Variants in ABCG1 observed in about 807,000 individuals in gnomAD.
The protein encoded by ABCG1 is ATP binding cassette subfamily G member 1, also known as ATP-binding cassette sub-family G member 1.
In ABCG1, 29 loss-of-function variants were observed where a neutral mutation model predicts 69.2. The observed-to-expected ratio is 0.42, with a 90% CI of 0.31 to 0.57. The LOEUF (loss-of-function observed/expected upper bound fraction) is 0.57, where lower values mean the gene tolerates loss of function less well. Among genes scored for constraint, ABCG1 ranks in the 20% least tolerant of loss-of-function variants. The pLI is 0.15. For missense variants in ABCG1, 718 were observed against 898.1 expected (o/e 0.80, Z 2.56); for synonymous variants, 370 against 374.8 (o/e 0.99, Z 0.15).
chr21:42,259,458 C>T (rs1163367547), intron 2 of ABCG1: 1 of 1,549,118 alleles, frequency 6.5e-7, no homozygotes, highest in Non-Finnish European at 8.7e-7. Context: ...GTCTGGCCTA[C>T]AGGGCTCAAG....
chr21:42,264,108 G>A (rs1222521651), intron 2 of ABCG1, among the ~76,000 whole-genome samples: 1 of 152,224 alleles, frequency 6.6e-6, no homozygotes, highest in Non-Finnish European at 1.5e-5. Context: ...CATGGCGGCT[G>A]TCGGATGCCC....
intron 13 of ABCG1, among the ~76,000 whole-genome samples, chr21:42,293,294 C>CCA (rs1410793168): frequency 7.5e-6 from 1 of 132,698 alleles, no homozygotes; most frequent in Admixed American, 7.4e-5. Flanking sequence ...ACAGTACACA[C>CCA]CACACACACT....
intron 2 of ABCG1, among the ~76,000 whole-genome samples, chr21:42,251,108 G>A (rs536990318): frequency 1.3e-5 from 2 of 152,346 alleles, no homozygotes; most frequent in African/African-American, 2.4e-5. Context: ...CCCACGGTCG[G>A]TCGGTGACCT....
chr21:42,296,377 C>G lies in ABCG1; in HGVS notation c.1986C>G (p.Ile662Met). 1 of 1,613,732 alleles carries G rather than the reference C, an allele frequency of 6.2e-7. No homozygotes were observed. Among genetic ancestry groups the G allele is most frequent in the African/African-American group, 1.3e-5 (1 of 75,012 alleles). The change falls in exon 15 of 15, where the codon ATC becomes ATG. Residue 662 changes from isoleucine (I) to methionine (M), a missense_variant. Transcript: ENST00000398449. The surrounding 1 kb of genome is among the most constrained non-coding windows in gnomAD (Gnocchi z 5.4). ...CCTATTTTGTCCTCAGGTACAAAATCCGGGCAGAGAGGTAAAACACCTGAA... is the reference window on the plus strand; with the variant it reads ...CCTATTTTGTCCTCAGGTACAAAATGCGGGCAGAGAGGTAAAACACCTGAA... ...LIAYFVLRYK[I>M]RAER
intron 2 of ABCG1, among the ~76,000 whole-genome samples, chr21:42,236,826 G>A (rs117364972): frequency 0.019 from 2,882 of 152,310 alleles, 37 homozygotes; most frequent in South Asian, 0.028. Context: ...AAAACAGTAA[G>A]GATGAGTGTC....
intron 2 of ABCG1, among the ~76,000 whole-genome samples, chr21:42,268,123 C>A (rs1191721960): frequency 1.3e-5 from 2 of 152,168 alleles, no homozygotes; most frequent in Non-Finnish European, 2.9e-5. Flanking sequence ...TTATCCTGGG[C>A]ACTCACTATC....
intron 13 of ABCG1, among the ~76,000 whole-genome samples, chr21:42,292,090 C>G (rs1335783681): frequency 6.6e-6 from 1 of 152,108 alleles, no homozygotes; most frequent in East Asian, 1.9e-4. Context: ...CTCCATGGGC[C>G]CCTTCCTCCT....
At chr21:42,284,827 G>A in intron 7 of ABCG1, 144 bp downstream of exon 7, 1 of 1,135,074 alleles carries the variant, frequency 8.8e-7, no homozygotes, top group Non-Finnish European at 1.2e-6. Context: ...ACAGCCTTCT[G>A]TTAGCTCATG....
intron 2 of ABCG1, among the ~76,000 whole-genome samples, chr21:42,243,914 G>A (rs2068093826): frequency 6.7e-6 from 1 of 150,238 alleles, no homozygotes; most frequent in African/African-American, 2.5e-5. Context: ...CGCCTCCCGG[G>A]TTCACGCCAT....
chr21:42,226,614 C>T (rs550305414), intron 2 of ABCG1, among the ~76,000 whole-genome samples: 2 of 152,054 alleles, frequency 1.3e-5, no homozygotes, highest in African/African-American at 2.4e-5. Flanking sequence ...GAGTTAATGC[C>T]GCCCTGGGTT....
At chr21:42,254,963 G>C (rs2123663272) in intron 2 of ABCG1, among the ~76,000 whole-genome samples, 1 of 152,350 alleles carries the variant, frequency 6.6e-6, no homozygotes, top group East Asian at 1.9e-4. Context: ...TTTTCAGATT[G>C]AAGTTGATGT....
chr21:42,259,631 A>C (rs2068371296), intron 2 of ABCG1: 1 of 1,438,090 alleles, frequency 7.0e-7, no homozygotes, highest in African/African-American at 1.4e-5. Flanking sequence ...CTCATTTGAT[A>C]AAAACTGACA....
intron 2 of ABCG1, among the ~76,000 whole-genome samples, chr21:42,238,223 C>T (rs908310678): frequency 6.6e-6 from 1 of 152,180 alleles, no homozygotes; most frequent in South Asian, 2.1e-4. Flanking sequence ...GTTTTCTACC[C>T]ATTCTTTTTG....
chr21:42,208,631 C>A (rs2067562111), intron 2 of ABCG1, among the ~76,000 whole-genome samples: 1 of 152,154 alleles, frequency 6.6e-6, no homozygotes, highest in Admixed American at 6.5e-5. Context: ...GCTAGGAGAC[C>A]TGGATCCTTT....
intron 1 of ABCG1, among the ~76,000 whole-genome samples, chr21:42,223,755 G>C (rs568753951): frequency 1.4e-4 from 21 of 152,228 alleles, no homozygotes; most frequent in Non-Finnish European, 2.4e-4. Flanking sequence ...GAGACAGTGA[G>C]TGAGTGAGCA....
At chr21:42,252,071 T>A (rs1289699418) in intron 2 of ABCG1, among the ~76,000 whole-genome samples, 1 of 152,190 alleles carries the variant, frequency 6.6e-6, no homozygotes, top group Non-Finnish European at 1.5e-5. Flanking sequence ...TCTGAAGCTC[T>A]CCCCGCAATG....
rs1338133144 is a variant in ABCG1, at chr21:42,296,891, C to T, written c.*499C>T. The T allele has an allele frequency of 2.5e-5, 4 of 161,880 alleles. No homozygotes were observed. The highest frequency in any genetic ancestry group is 9.6e-5 in the African/African-American group (4 of 41,616). 10.0% of individuals were successfully genotyped at this position (161,880 alleles called of 1,614,324 possible). A position where few individuals can be genotyped will look rare whatever the true frequency, so the allele number is the denominator to read the frequency against. On this transcript the variant is annotated 3_prime_UTR_variant, in exon 15 of 15. Transcript: ENST00000398449. The surrounding 1 kb of genome is among the most constrained non-coding windows in gnomAD (Gnocchi z 5.4). Reference sequence around the variant, plus strand: ...ATCTTTCTAAGGTGTGTCTCTTTTCCAATGAGAAGTCATTTTTGCAAGCCA... The same window carrying T: ...ATCTTTCTAAGGTGTGTCTCTTTTCTAATGAGAAGTCATTTTTGCAAGCCA...
In ABCG1 at chr21:42,294,411, T is replaced by C. The variant is rs552008115; in HGVS notation, c.1654-131T>C. 1.9e-4 allele frequency: 136 copies of C among 731,506 alleles called. No homozygotes were observed. In the African/African-American group the frequency reaches 2.2e-3, roughly 12 times the overall value. 45.3% of individuals were successfully genotyped at this position (731,506 alleles called of 1,614,324 possible). On this transcript the variant is annotated intron_variant, in intron 13 of 14. Transcript: ENST00000398449. Reference sequence around the variant, plus strand: ...GGGAACGCTGCACCTTCTGCCACATTAAGCATCATCATTACCCTGCCCAGA... The same window carrying C: ...GGGAACGCTGCACCTTCTGCCACATCAAGCATCATCATTACCCTGCCCAGA...
chr21:42,259,303 T>C, intron 2 of ABCG1: 3 of 1,535,984 alleles, frequency 2.0e-6, no homozygotes, highest in Non-Finnish European at 8.8e-7. Context: ...AAGTGAAGTT[T>C]TGTTGCAGTA....
Sources: gnomAD v4.1 joint callset for allele counts (sites outside exome capture counted in the v4.1 genomes callset) on GRCh38, gnomAD v4.1.1 for gene constraint, Gnocchi (gnomAD v3.1) non-coding constraint, MANE v1.5 for transcripts, NCBI Gene and HGNC (gene_info 2026-07-23, HGNC 2026-07-21) for gene names.